The following ITSN2 variants were observed in gnomAD, a reference collection of about 807,000 sequenced individuals.
The protein encoded by ITSN2 is intersectin-2.
Under a neutral mutation model 243.7 loss-of-function variants are expected in ITSN2, and 156 were observed. The observed-to-expected ratio is 0.64, with a 90% CI of 0.56 to 0.73. ITSN2 has a LOEUF of 0.73. ITSN2 is among the 30% of genes least tolerant of loss of function. The pLI is 0.00. For synonymous variants in ITSN2, 703 were observed against 699.9 expected (o/e 1.00, Z -0.07); for missense variants, 1,801 against 1,996.1 (o/e 0.90, Z 1.86).
intron 29 of ITSN2, 51 bp from the exon 30 acceptor site, chr2:24,221,117 A>G (rs770744354): frequency 6.4e-7 from 1 of 1,560,580 alleles, no homozygotes; most frequent in Non-Finnish European, 8.7e-7. Context: ...AACTTTGTAG[A>G]AAATAGACAT....
At chr2:24,208,364 C>G (rs755085433) in intron 36 of ITSN2, 45 bp from the exon 37 acceptor site, 1 of 1,461,912 alleles carries the variant, frequency 6.8e-7, no homozygotes, top group Non-Finnish European at 9.6e-7. Flanking sequence ...CCCACCCTCA[C>G]AGGTCAGCGT....
intron 1 of ITSN2, among the ~76,000 whole-genome samples, chr2:24,360,045 G>A (rs537868906): frequency 1.9e-4 from 29 of 152,200 alleles, no homozygotes; most frequent in Non-Finnish European, 3.8e-4. Context: ...CCGCAAGGAA[G>A]GGGCAGCCCA....
intron 15 of ITSN2, among the ~76,000 whole-genome samples, chr2:24,290,913 TA>T (rs1265330042): frequency 1.0e-5 from 1 of 100,188 alleles, no homozygotes; most frequent in African/African-American, 3.0e-5. Context: ...TCCTCCCCCC[TA>T]CCAAAGTTTT....
intron 7 of ITSN2, 84 bp downstream of exon 7, chr2:24,310,200 A>C (rs1466103241): frequency 1.2e-6 from 1 of 860,622 alleles, no homozygotes; most frequent in African/African-American, 1.7e-5. Flanking sequence ...AACTTAGGTA[A>C]GCTCAAAGCT....
intron 36 of ITSN2, 92 bp downstream of exon 36, chr2:24,209,008 C>T (rs1253446221): frequency 6.9e-7 from 1 of 1,443,242 alleles, no homozygotes. Context: ...ATTAGTGGGG[C>T]TTAAGCACGG....
At chr2:24,318,002 G>A (rs1042615989) in intron 2 of ITSN2, among the ~76,000 whole-genome samples, 4 of 152,122 alleles carry the variant, frequency 2.6e-5, no homozygotes, top group Admixed American at 2.0e-4. Flanking sequence ...TTGAGCAGAA[G>A]GTACAAACAT....
At chr2:24,244,357 G>A (rs1167695223) in intron 29 of ITSN2, among the ~76,000 whole-genome samples, 4 of 152,104 alleles carry the variant, frequency 2.6e-5, no homozygotes, top group Admixed American at 1.3e-4. Context: ...AATAGGCGGG[G>A]GAAAGGTATA....
intron 18 of ITSN2, among the ~76,000 whole-genome samples, chr2:24,272,142 T>C (rs1006126852): frequency 3.3e-5 from 5 of 152,108 alleles, no homozygotes; most frequent in African/African-American, 4.8e-5. Context: ...AAGCTTTGGA[T>C]TGATTAGTGG....
At position 24,308,649 on chromosome 2, in the gene ITSN2, G is replaced by C. The variant is rs752056227; in HGVS notation, c.761C>G (p.Thr254Ser). ...ATATCCACTCATACTTTTGTCAAGAGTATTAAATTTTTGCCGATATTTTAA... is the reference window on the plus strand; with the variant it reads ...ATATCCACTCATACTTTTGTCAAGACTATTAAATTTTTGCCGATATTTTAA... ...TRLKYRQKFN[T>S]LDKSMSGYLS... The change falls in exon 8 of 40, where the codon ACT (threonine) becomes AGT (serine). Residue 254 changes from threonine to serine, a missense_variant. Coordinates refer to ENST00000355123, the MANE Select transcript of ITSN2 (RefSeq NM_006277.3). 3 of 1,531,848 alleles carry C rather than the reference G, an allele frequency of 2.0e-6. No individual in the cohort carries two copies. The South Asian group carries it at 4.0e-5, about 20-fold the overall frequency. 94.9% of individuals were successfully genotyped at this position (1,531,848 alleles called of 1,614,324 possible).
Position 24,248,675 on chromosome 2 carries a change from A to C in ITSN2, c.3242T>G (p.Leu1081Ter). 6.2e-7 allele frequency: 1 copy of C among 1,611,676 alleles called. No homozygotes were observed. The highest frequency in any genetic ancestry group is 8.5e-7 in the Non-Finnish European group (1 of 1,178,336). The change falls in exon 27 of 40, where the codon TTA becomes TGA. Residue 1081 changes from leucine to a stop codon, truncating the protein, a stop_gained. Coordinates refer to ENST00000355123, the MANE Select transcript of ITSN2 (RefSeq NM_006277.3). LOFTEE classifies it high-confidence loss of function. Reference protein sequence around the residue: ...QLSLAPGQLILILKKNTSGWW... With the variant: ...QLSLAPGQLI The stretch of plus-strand genomic sequence containing the variant: ...CCCACTTGTATTTTTCTTTAGAATT[A>C]ATATTAACTGTCCTGGTGCAAGGCT...
In ITSN2 at chr2:24,301,139, G is replaced by A. The variant is rs759301546; in HGVS notation, c.1081+15C>T. On this transcript the variant is annotated intron_variant, in intron 11 of 39. Coordinates refer to ENST00000355123, the MANE Select transcript of ITSN2 (RefSeq NM_006277.3). ...GAACTCAGTATAAATATACAACTTT[G>A]ACACTCAGTGATACCTGGTAATTTC... 2.1e-6 allele frequency: 3 copies of A among 1,442,876 alleles called. No individual in the cohort carries two copies. Among genetic ancestry groups the A allele is most frequent in the Non-Finnish European group, 2.9e-6 (3 of 1,034,616 alleles). 89.4% of individuals were successfully genotyped at this position (1,442,876 alleles called of 1,614,324 possible). A position where few individuals can be genotyped will look rare whatever the true frequency, so the allele number is the denominator to read the frequency against.
At chr2:24,251,328 AAT>A (rs1158351594) in intron 25 of ITSN2, among the ~76,000 whole-genome samples, 344 of 6,988 alleles carry the variant, frequency 0.049, 94 homozygotes, top group African/African-American at 0.13. Flanking sequence ...AAAAAAATAA[AAT>A]ATATATATAT....
intron 29 of ITSN2, among the ~76,000 whole-genome samples, chr2:24,222,093 T>A (rs571218724): frequency 9.0e-4 from 136 of 151,270 alleles, no homozygotes; most frequent in Non-Finnish European, 1.4e-3. Flanking sequence ...TCTACTAAAA[T>A]TACAAAAAAT....
chr2:24,210,996 G>C (rs748885682), intron 33 of ITSN2, 49 bp from the exon 34 acceptor site: 1 of 1,585,824 alleles, frequency 6.3e-7, no homozygotes, highest in South Asian at 1.1e-5. Flanking sequence ...TCTCTCACCT[G>C]CCCACCTGGA....
intron 1 of ITSN2, among the ~76,000 whole-genome samples, chr2:24,334,190 C>T (rs1389718258): frequency 1.3e-5 from 2 of 152,170 alleles, no homozygotes; most frequent in Non-Finnish European, 2.9e-5. Context: ...TCCCAAGTAG[C>T]TGGGATTACA....
intron 1 of ITSN2, among the ~76,000 whole-genome samples, chr2:24,348,140 A>G (rs1687711817): frequency 1.3e-5 from 2 of 151,700 alleles, no homozygotes; most frequent in Admixed American, 1.3e-4. Context: ...CTTACTCTTC[A>G]GTAAAGAGAA....
At chr2:24,217,206 G>A (rs553481397) in intron 31 of ITSN2, among the ~76,000 whole-genome samples, 3 of 151,892 alleles carry the variant, frequency 2.0e-5, no homozygotes, top group African/African-American at 7.2e-5. Flanking sequence ...CTGAGACTGT[G>A]CCACTGCACT....
intron 15 of ITSN2, among the ~76,000 whole-genome samples, chr2:24,288,438 A>G (rs1051241448): frequency 6.6e-6 from 1 of 152,146 alleles, no homozygotes; most frequent in Admixed American, 6.5e-5. Context: ...ATATGTATAC[A>G]TTGTAAATTG....
chr2:24,346,302 T>C (rs1384362609), intron 1 of ITSN2, among the ~76,000 whole-genome samples: 2 of 152,244 alleles, frequency 1.3e-5, no homozygotes, highest in African/African-American at 2.4e-5. Context: ...GCCTTTGTCA[T>C]CTTCCTCCTA....
Sources: allele counts gnomAD v4.1 joint callset (sites outside exome capture counted in the v4.1 genomes callset), GRCh38; gene constraint gnomAD v4.1.1; transcripts MANE v1.5; gene names NCBI Gene and HGNC (gene_info 2026-07-23, HGNC 2026-07-21).